PLCE1: variants seen among roughly 807,000 people sequenced by gnomAD.
PLCE1 encodes phospholipase C epsilon 1, also known as 1-phosphatidylinositol 4,5-bisphosphate phosphodiesterase epsilon-1.
Under a neutral mutation model 242.8 loss-of-function variants are expected in PLCE1, and 119 were observed. That is an observed-to-expected ratio of 0.49 (90% CI 0.42 to 0.57). The LOEUF (loss-of-function observed/expected upper bound fraction) is 0.57. Ranked by LOEUF, PLCE1 falls within the 20% of genes least tolerant of loss-of-function variation. The pLI, the probability that PLCE1 is intolerant of heterozygous loss-of-function variation, is 0.00. For missense variants in PLCE1, 2,441 were observed against 2,788.8 expected, an observed-to-expected ratio of 0.88 and a Z score of 2.81; for synonymous variants, 945 against 1,017.4, an observed-to-expected ratio of 0.93 and a Z score of 1.35.
chr10:94,285,652 A>C (rs2052416543), intron 22 of PLCE1, among the ~76,000 whole-genome samples: 1 of 152,108 alleles, frequency 6.6e-6, no homozygotes, highest in African/African-American at 2.4e-5. Flanking sequence ...TCTCTTCCAG[A>C]ACTTCCCGCA....
At chr10:94,019,127 T>C (rs1050069852) in intron 1 of PLCE1, among the ~76,000 whole-genome samples, 2 of 152,212 alleles carry the variant, frequency 1.3e-5, no homozygotes, top group Admixed American at 6.5e-5. Flanking sequence ...TTTGCAGATA[T>C]GAAAACTAAG....
At chr10:94,279,622 G>A in intron 19 of PLCE1, 160 bp from the exon 20 acceptor site, 1 of 715,020 alleles carries the variant, frequency 1.4e-6, no homozygotes, top group South Asian at 1.7e-5. Context: ...TGTTGACATT[G>A]CATTTCGAGG....
chr10:94,065,351 T>C (rs988243151), intron 2 of PLCE1, among the ~76,000 whole-genome samples: 14 of 152,242 alleles, frequency 9.2e-5, no homozygotes, highest in Non-Finnish European at 1.9e-4. Context: ...GTATGACACT[T>C]GCTCTATGGA....
intron 1 of PLCE1, among the ~76,000 whole-genome samples, chr10:94,008,037 G>T (rs2061081762): frequency 1.3e-5 from 2 of 151,072 alleles, no homozygotes; most frequent in South Asian, 4.2e-4. Context: ...AAAGGAAAAA[G>T]AAAAATTATC....
chr10:94,107,616 G>C (rs1182472639), intron 2 of PLCE1: 1 of 152,088 alleles, frequency 6.6e-6, no homozygotes, highest in Non-Finnish European at 1.5e-5. Flanking sequence ...AATTTAAATA[G>C]CTTTTTTTTT....
chr10:94,312,075 G>A (rs558968760), intron 27 of PLCE1, among the ~76,000 whole-genome samples: 71 of 152,188 alleles, frequency 4.7e-4, no homozygotes, highest in African/African-American at 1.6e-3. Context: ...CAGGACATCT[G>A]GGGTTTTGTA....
intron 1 of PLCE1, among the ~76,000 whole-genome samples, chr10:94,010,437 A>G (rs1252867645): frequency 6.6e-6 from 1 of 152,146 alleles, no homozygotes; most frequent in Non-Finnish European, 1.5e-5. Context: ...GCTCTCTTTT[A>G]GTCATGTCAA....
At chr10:94,300,970 G>A (rs1415020930) in intron 24 of PLCE1, among the ~76,000 whole-genome samples, 6 of 151,442 alleles carry the variant, frequency 4.0e-5, no homozygotes, top group African/African-American at 9.7e-5. Context: ...AAGGCTGAGC[G>A]GGAAGCAGAG....
chr10:94,190,967 T>C (rs1407007381), intron 4 of PLCE1, among the ~76,000 whole-genome samples: 2 of 152,124 alleles, frequency 1.3e-5, no homozygotes, highest in Admixed American at 1.3e-4. Context: ...GATCAAGCTT[T>C]GGTAACACCC....
At chr10:94,307,126 G>A (rs966865744) in intron 26 of PLCE1, among the ~76,000 whole-genome samples, 1 of 152,166 alleles carries the variant, frequency 6.6e-6, no homozygotes, top group African/African-American at 2.4e-5. Flanking sequence ...CAGGAAGAGG[G>A]GAATGGAGAA....
intron 4 of PLCE1, among the ~76,000 whole-genome samples, chr10:94,201,241 C>T (rs2048976549): frequency 1.3e-5 from 2 of 152,208 alleles, no homozygotes; most frequent in South Asian, 4.1e-4. Flanking sequence ...AGTTGCTCCA[C>T]ATCCACACCA....
intron 2 of PLCE1, among the ~76,000 whole-genome samples, chr10:94,035,295 G>A (rs150513174): frequency 5.3e-5 from 8 of 152,188 alleles, no homozygotes; most frequent in African/African-American, 1.9e-4. Flanking sequence ...TGTGAATCGG[G>A]TGTAAATTTC....
chr10:94,023,179 A>G (rs2061403325), intron 1 of PLCE1, among the ~76,000 whole-genome samples: 1 of 152,150 alleles, frequency 6.6e-6, no homozygotes, highest in Non-Finnish European at 1.5e-5. Context: ...GATGGAGTCA[A>G]CAGAGTTAGA....
intron 4 of PLCE1, among the ~76,000 whole-genome samples, chr10:94,174,067 A>T (rs1238690394): frequency 6.6e-6 from 1 of 152,212 alleles, no homozygotes; most frequent in Non-Finnish European, 1.5e-5. Flanking sequence ...AAAGGAAGAA[A>T]TGGAGTTTGC....
At chr10:94,066,574 G>A (rs188943070) in intron 2 of PLCE1, among the ~76,000 whole-genome samples, 23 of 152,182 alleles carry the variant, frequency 1.5e-4, no homozygotes, top group Non-Finnish European at 2.8e-4. Context: ...CCTTCTGTGC[G>A]TTAGTTCAGG....
chr10:94,267,545 G>T (rs949779187), intron 16 of PLCE1, among the ~76,000 whole-genome samples: 1 of 152,086 alleles, frequency 6.6e-6, no homozygotes, highest in Non-Finnish European at 1.5e-5. Context: ...AATAAGCCCT[G>T]TTCTTCTCAT....
chr10:94,266,618 C>G (rs2051527432), intron 16 of PLCE1, among the ~76,000 whole-genome samples: 1 of 152,194 alleles, frequency 6.6e-6, no homozygotes, highest in African/African-American at 2.4e-5. Context: ...GCTTCCTCAT[C>G]TATTCTGCCT....
At chr10:94,080,927 T>G (rs1451196702) in intron 2 of PLCE1, among the ~76,000 whole-genome samples, 2 of 152,198 alleles carry the variant, frequency 1.3e-5, no homozygotes, top group Admixed American at 1.3e-4. Flanking sequence ...CAGAAACAGT[T>G]GAAGCTCCTA....
chr10:94,271,646 C>T (rs1370997459), intron 18 of PLCE1, among the ~76,000 whole-genome samples: 1 of 152,038 alleles, frequency 6.6e-6, no homozygotes, highest in Non-Finnish European at 1.5e-5. Context: ...GTACAAAGAT[C>T]CAAGTTAGCA....
Sources: allele counts gnomAD v4.1 joint callset (sites outside exome capture counted in the v4.1 genomes callset), GRCh38; gene constraint gnomAD v4.1.1; transcripts MANE v1.5; gene names NCBI Gene and HGNC (gene_info 2026-07-23, HGNC 2026-07-21).